The following NAV1 variants were observed in gnomAD, a reference collection of about 807,000 sequenced individuals.
The protein encoded by NAV1 is neuron navigator 1, also known as pore membrane and/or filament interacting like protein 3.
A neutral mutation model predicts 175.2 loss-of-function variants in NAV1; 18 were observed. The observed-to-expected ratio is 0.10, with a 90% confidence interval of 0.07 to 0.15. The LOEUF is 0.15. Among genes scored for constraint, NAV1 ranks in the 10% least tolerant of loss-of-function variants. NAV1 has a pLI of 1.00. For missense variants in NAV1, 1,731 were observed against 2,436.6 expected (o/e 0.71, Z 6.10); for synonymous variants, 897 against 978.7 (o/e 0.92, Z 1.56).
At chr1:201,692,613 G>T (rs534369905) in intron 1 of NAV1, among the ~76,000 whole-genome samples, 2 of 152,328 alleles carry the variant, frequency 1.3e-5, no homozygotes, top group East Asian at 3.9e-4. Flanking sequence ...TCTGACAGGG[G>T]AGCACTGAGG....
At chr1:201,602,774 G>A (rs551617230) in intron 2 of NAV1, among the ~76,000 whole-genome samples, 2 of 151,920 alleles carry the variant, frequency 1.3e-5, no homozygotes, top group African/African-American at 4.8e-5. Flanking sequence ...GCTCCAGGGG[G>A]ACAGGGCTGG....
At chr1:201,605,588 C>T (rs568472540) in intron 2 of NAV1, among the ~76,000 whole-genome samples, 1 of 152,262 alleles carries the variant, frequency 6.6e-6, no homozygotes, top group African/African-American at 2.4e-5. Flanking sequence ...ATGAGAGCCA[C>T]GGGCATTTTT....
At chr1:201,695,164 TG>T (rs1243329095) in intron 1 of NAV1, among the ~76,000 whole-genome samples, 1 of 152,198 alleles carries the variant, frequency 6.6e-6, no homozygotes, top group African/African-American at 2.4e-5. Context: ...TTGGCCCCCC[TG>T]GATGGGCTCA....
intron 3 of NAV1, among the ~76,000 whole-genome samples, chr1:201,734,502 A>G (rs1321571598): frequency 8.3e-6 from 1 of 120,750 alleles, no homozygotes; most frequent in Non-Finnish European, 1.7e-5. Context: ...GGAGAAGGAG[A>G]AGAAGAAGAA....
chr1:201,708,307 C>T (rs1671755187), intron 1 of NAV1, among the ~76,000 whole-genome samples: 1 of 152,120 alleles, frequency 6.6e-6, no homozygotes, highest in Non-Finnish European at 1.5e-5. Context: ...TCCCCAGTTG[C>T]TCCATTTTCA....
intron 1 of NAV1, among the ~76,000 whole-genome samples, chr1:201,666,450 AG>A (rs1669827370): frequency 1.3e-5 from 2 of 152,176 alleles, no homozygotes; most frequent in Non-Finnish European, 2.9e-5. Flanking sequence ...ATGGTTTATG[AG>A]GGCGGTCGAG....
chr1:201,782,166 C>G lies in NAV1; in HGVS notation c.1664-10C>G. ...TTTCAGCTCTTTTCTCATTTCCCGT[C>G]CTCTTGCAGGCAAACCTGAGGGCAA... On this transcript the variant is annotated splice_polypyrimidine_tract_variant and intron_variant, in intron 5 of 29. Coordinates refer to ENST00000367296, the Ensembl canonical transcript of NAV1. This position sits in a 1 kb window ranked among gnomAD's most constrained non-coding sequence, Gnocchi z 5.4. 6.4e-7 allele frequency: 1 copy of G among 1,563,026 alleles called. No homozygotes were observed.
Position 201,783,008 on chromosome 1 carries a change from C to G in NAV1, c.2357+139C>G, listed in dbSNP as rs368349457. On this transcript the variant is annotated intron_variant, in intron 6 of 29. Coordinates refer to ENST00000367296, the Ensembl canonical transcript of NAV1. ...TTGCATGGCTCTTTCCCACCTCTCC[C>G]CCATATGCCAAGGTTCTGAAAGAAT... The G allele has an allele frequency of 8.5e-6, 6 of 703,780 alleles. No individual in the cohort carries two copies. In the African/African-American group the frequency reaches 1.1e-4, roughly 13 times the overall value. 43.6% of individuals were successfully genotyped at this position (703,780 alleles called of 1,614,324 possible).
At chr1:201,747,276 A>G (rs184386542) in intron 3 of NAV1, among the ~76,000 whole-genome samples, 156 of 152,262 alleles carry the variant, frequency 1.0e-3, no homozygotes, top group African/African-American at 3.6e-3. Context: ...GCATGTGTGA[A>G]ACTGTTATTT....
At chr1:201,649,760 T>C (rs1256702108) in intron 1 of NAV1, among the ~76,000 whole-genome samples, 4 of 152,222 alleles carry the variant, frequency 2.6e-5, no homozygotes, top group African/African-American at 4.8e-5. Flanking sequence ...AACCTGGGAC[T>C]GGTGGAAACC....
intron 1 of NAV1, among the ~76,000 whole-genome samples, chr1:201,709,428 TCA>T (rs943557166): frequency 4.6e-5 from 7 of 152,186 alleles, no homozygotes; most frequent in African/African-American, 1.7e-4. Context: ...GGTGTGAATG[TCA>T]GATTGGCTCC....
intron 1 of NAV1, among the ~76,000 whole-genome samples, chr1:201,704,566 G>C (rs1671584492): frequency 6.6e-6 from 1 of 152,260 alleles, no homozygotes; most frequent in South Asian, 2.1e-4. Flanking sequence ...GAAGGCCAGG[G>C]ACACTTTGCG....
chr1:201,802,327 A>AG (rs1248273401), intron 15 of NAV1, among the ~76,000 whole-genome samples: 6 of 145,024 alleles, frequency 4.1e-5, no homozygotes, highest in Admixed American at 3.5e-4. Flanking sequence ...AAAAAAAAAA[A>AG]AGACATTGAG....
At position 201,788,486 on chromosome 1, in the gene NAV1, C is replaced by A. The variant is rs751778582; in HGVS notation, c.3014C>A (p.Thr1005Asn). 5 of 1,614,024 alleles carry A rather than the reference C, an allele frequency of 3.1e-6. No individual in the cohort carries two copies. Among genetic ancestry groups the A allele is most frequent in the Admixed American group, 1.7e-5 (1 of 60,002 alleles). The stretch of plus-strand genomic sequence containing the variant: ...CTTCCAGTGAGTCCCACTGCGGCCA[C>A]CACGCCAAGAATCACCCGCTCCAAC... Residue 1005 changes from threonine (T) to asparagine (N), a missense_variant, in exon 10 of 30, where the codon ACC becomes AAC. Around this residue, in one of 13 missense-constraint regions of NAV1, gnomAD observed 634 missense variants for 766.8 expected, o/e 0.83. Coordinates refer to ENST00000367296, the Ensembl canonical transcript of NAV1. The surrounding 1 kb of genome is among the most constrained non-coding windows in gnomAD (Gnocchi z 5.7).
rs1679059879 is a variant in NAV1, at chr1:201,816,751, C to T, written c.5341-337C>T. ...GAAGTGCAGTGGCTCACTGCAACCTCCGCAGGTTCAAGTGATTCTCCTGCC... is the reference window on the plus strand; with the variant it reads ...GAAGTGCAGTGGCTCACTGCAACCTTCGCAGGTTCAAGTGATTCTCCTGCC... On this transcript the variant is annotated intron_variant, in intron 28 of 29. Transcript: ENST00000367296. 3.2e-5 allele frequency: 6 copies of T among 185,810 alleles called. No homozygotes were observed. In the South Asian group the frequency reaches 5.9e-4, roughly 18 times the overall value. 11.5% of individuals were successfully genotyped at this position (185,810 alleles called of 1,614,324 possible). A position where few individuals can be genotyped will look rare whatever the true frequency, so the allele number is the denominator to read the frequency against.
In NAV1 at chr1:201,748,575, A is replaced by G. The variant is rs552428201; in HGVS notation, c.1226+29820A>G. 7.9e-5 allele frequency among the ~76,000 whole-genome samples: 12 copies of G among 152,316 alleles called. 1 individual carries two copies. The highest frequency in any genetic ancestry group is 2.9e-4 in the African/African-American group (12 of 41,560). On this transcript the variant is annotated intron_variant, in intron 3 of 29. Transcript: ENST00000367296. Reference sequence around the variant, plus strand: ...ATGAGTCTCTTGCAGGAGGGAGGAAATCATTGCTTACTCATGCACAACCTG... The same window carrying G: ...ATGAGTCTCTTGCAGGAGGGAGGAAGTCATTGCTTACTCATGCACAACCTG...
At chr1:201,603,986 CTG>C (rs1667598306) in intron 2 of NAV1, among the ~76,000 whole-genome samples, 1 of 152,212 alleles carries the variant, frequency 6.6e-6, no homozygotes, top group East Asian at 1.9e-4. Flanking sequence ...AGCTCCCACT[CTG>C]TGCCTGAGCT....
In NAV1 at chr1:201,546,975, C is replaced by T. The variant is rs578065592; in HGVS notation, c.-144+7633C>T. ...CCTTCAACACTTAAGCATGTTATTT[C>T]CAAAGAACAAGGACATTTTTTTTTT... On this transcript the variant is annotated intron_variant, in intron 1 of 33. Coordinates refer to the NAV1 transcript ENST00000685211. Among the ~76,000 whole-genome samples the T allele has an allele frequency of 1.4e-5, 2 of 148,144 alleles. 1 individual carries two copies. Among genetic ancestry groups the T allele is most frequent in the African/African-American group, 4.9e-5 (2 of 40,578 alleles).
At position 201,808,245 on chromosome 1, in the gene NAV1, C is replaced by T; in HGVS notation, c.3845+96C>T. 1 of 1,452,906 alleles carries T rather than the reference C, an allele frequency of 6.9e-7. No homozygotes were observed. The highest frequency in any genetic ancestry group is 9.5e-7 in the Non-Finnish European group (1 of 1,056,758). 90.0% of individuals were successfully genotyped at this position (1,452,906 alleles called of 1,614,324 possible). On this transcript the variant is annotated intron_variant, in intron 18 of 29. Transcript: ENST00000367296. The surrounding 1 kb of genome is among the most constrained non-coding windows in gnomAD (Gnocchi z 5.5). ...GCCATTAGACCTTAGACAAGCAGTACTTATTACTGACCTCTCCCTGGGCAT... is the reference window on the plus strand; with the variant it reads ...GCCATTAGACCTTAGACAAGCAGTATTTATTACTGACCTCTCCCTGGGCAT...
Sources: allele counts gnomAD v4.1 joint callset (sites outside exome capture counted in the v4.1 genomes callset), GRCh38; gene constraint gnomAD v4.1.1; regional missense constraint gnomAD v4.1.1; non-coding constraint Gnocchi (gnomAD v3.1); transcripts MANE v1.5; gene names NCBI Gene and HGNC (gene_info 2026-07-23, HGNC 2026-07-21).